The following AVEN variants were observed in gnomAD, a reference collection of about 807,000 sequenced individuals.
The protein encoded by AVEN is apoptosis and caspase activation inhibitor.
AVEN carries 41 observed loss-of-function variants against 38.1 expected under a neutral mutation model. The ratio of observed to expected loss-of-function variants is 1.08; its 90% CI spans 0.84 to 1.40. The LOEUF is 1.40. Among genes scored for constraint, AVEN ranks in the 40% most tolerant of loss-of-function variants. The pLI, the probability that AVEN is intolerant of heterozygous loss-of-function variation, is 0.00. For synonymous variants in AVEN, 206 were observed against 171.8 expected (o/e 1.20, Z -1.56); for missense variants, 605 against 438.8 (o/e 1.38, Z -3.38).
intron 2 of AVEN, among the ~76,000 whole-genome samples, chr15:33,985,872 A>C (rs1896423647): frequency 6.6e-6 from 1 of 152,132 alleles, no homozygotes; most frequent in Non-Finnish European, 1.5e-5. Context: ...CAGTGAAAAA[A>C]CTATCTCTAA....
chr15:33,910,003 C>T (rs1344005271), intron 2 of AVEN, among the ~76,000 whole-genome samples: 1 of 151,878 alleles, frequency 6.6e-6, no homozygotes, highest in African/African-American at 2.4e-5. Flanking sequence ...TGGTGGACAC[C>T]TGTAATCTTA....
chr15:33,884,748 G>C (rs1449725734), intron 2 of AVEN, among the ~76,000 whole-genome samples: 1 of 152,128 alleles, frequency 6.6e-6, no homozygotes, highest in Non-Finnish European at 1.5e-5. Context: ...AGATTACAAG[G>C]AACAATCTTT....
chr15:33,910,627 A>C (rs566230881), intron 2 of AVEN, among the ~76,000 whole-genome samples: 2 of 152,302 alleles, frequency 1.3e-5, no homozygotes, highest in East Asian at 3.9e-4. Flanking sequence ...GCACCTCATA[A>C]AATGCCCAAC....
intron 2 of AVEN, among the ~76,000 whole-genome samples, chr15:33,992,389 C>CAA (rs145900095): frequency 0.079 from 11,499 of 146,264 alleles, 504 homozygotes; most frequent in South Asian, 0.17. Context: ...GACTCCGTCT[C>CAA]AAAAAAAAAG....
intron 2 of AVEN, among the ~76,000 whole-genome samples, chr15:33,918,715 G>T (rs555302920): frequency 6.6e-6 from 1 of 151,728 alleles, no homozygotes; most frequent in East Asian, 1.9e-4. Context: ...TCAGCCTCCC[G>T]AAGTGCTGGG....
At chr15:34,001,285 G>A (rs1487421138) in intron 2 of AVEN, among the ~76,000 whole-genome samples, 1 of 151,942 alleles carries the variant, frequency 6.6e-6, no homozygotes, top group Non-Finnish European at 1.5e-5. Flanking sequence ...GCCTCCCAAA[G>A]TGCTGGGATT....
chr15:33,867,813 T>C lies in AVEN; in HGVS notation c.655A>G (p.Thr219Ala). The change falls in exon 5 of 6, where the codon ACT becomes GCT. Residue 219 changes from threonine (T) to alanine (A), a missense_variant. Transcript: ENST00000306730. The stretch of plus-strand genomic sequence containing the variant: ...ATCCCTAATCCCTTGCCATCATCAG[T>C]TCTCTTTGGTTTCACCTGAGGAACC... ...LEVPQVKPKRTDDGKGLGMQL... is the reference protein window; with the variant it reads ...LEVPQVKPKRADDGKGLGMQL... The C allele has an allele frequency of 6.2e-7, 1 of 1,606,852 alleles. No homozygotes were observed. The highest frequency in any genetic ancestry group is 1.1e-5 in the South Asian group (1 of 89,650).
chr15:33,896,871 C>A (rs1231591272), intron 2 of AVEN, among the ~76,000 whole-genome samples: 1 of 152,180 alleles, frequency 6.6e-6, no homozygotes, highest in Non-Finnish European at 1.5e-5. Context: ...TATTACCTGA[C>A]ATATAAAACC....
intron 1 of AVEN, 66 bp from the exon 2 acceptor site, chr15:34,003,275 T>C: frequency 1.4e-6 from 2 of 1,451,808 alleles, no homozygotes; most frequent in African/African-American, 1.4e-5. Flanking sequence ...GACTTCCCAG[T>C]AAAACAAAAA....
At chr15:34,070,736 C>T (rs1025677182) in intron 1 of AVEN, among the ~76,000 whole-genome samples, 6 of 152,150 alleles carry the variant, frequency 3.9e-5, no homozygotes, top group African/African-American at 1.4e-4. Flanking sequence ...AGTTGAACAA[C>T]TCTGGAGACA....
At chr15:34,006,551 T>A (rs933891324) in intron 1 of AVEN, among the ~76,000 whole-genome samples, 1 of 152,230 alleles carries the variant, frequency 6.6e-6, no homozygotes, top group African/African-American at 2.4e-5. Context: ...AAGAGGATTA[T>A]GATCTAAAAC....
chr15:33,861,450 C>T (rs1199874690), downstream of AVEN, among the ~76,000 whole-genome samples: 2 of 151,770 alleles, frequency 1.3e-5, no homozygotes, highest in African/African-American at 4.8e-5. Context: ...TCTTTCTCTA[C>T]TGGACTTCTT....
At chr15:33,947,847 T>C (rs1894565442) in intron 2 of AVEN, among the ~76,000 whole-genome samples, 1 of 152,184 alleles carries the variant, frequency 6.6e-6, no homozygotes, top group Non-Finnish European at 1.5e-5. Flanking sequence ...GAAAGTCATT[T>C]GAAACAAAAA....
At chr15:33,858,066 C>T (rs1000299395), downstream of AVEN, 9 of 1,002,662 alleles carry the variant, frequency 9.0e-6, no homozygotes, top group African/African-American at 1.6e-5. Flanking sequence ...AGACAGATGT[C>T]TTCTCCAAAC....
intron 2 of AVEN, among the ~76,000 whole-genome samples, chr15:33,889,969 C>T (rs1426290577): frequency 6.6e-6 from 1 of 152,178 alleles, no homozygotes; most frequent in Non-Finnish European, 1.5e-5. Flanking sequence ...GATACAAACC[C>T]TACATTCTAC....
intron 2 of AVEN, among the ~76,000 whole-genome samples, chr15:33,946,328 A>G (rs536094927): frequency 6.6e-6 from 1 of 152,300 alleles, no homozygotes; most frequent in African/African-American, 2.4e-5. Flanking sequence ...TAGGGCTGAA[A>G]AATCTCAGAA....
intron 5 of AVEN, among the ~76,000 whole-genome samples, chr15:34,061,182 G>T (rs1194952598): frequency 6.6e-6 from 1 of 152,094 alleles, no homozygotes; most frequent in Non-Finnish European, 1.5e-5. Context: ...CAAGCTTGGA[G>T]GTCAGAGGTG....
intron 2 of AVEN, among the ~76,000 whole-genome samples, chr15:33,887,513 G>C (rs1891752861): frequency 6.6e-6 from 1 of 152,126 alleles, no homozygotes; most frequent in South Asian, 2.1e-4. Flanking sequence ...GACTTCAGGA[G>C]TGATGATTCT....
chr15:33,920,775 CT>C (rs36067823), intron 2 of AVEN, among the ~76,000 whole-genome samples: 7 of 151,096 alleles, frequency 4.6e-5, no homozygotes, highest in Admixed American at 1.3e-4. Flanking sequence ...AATATACTTC[CT>C]TTTTTTTTAG....
Sources: allele counts gnomAD v4.1 joint callset (sites outside exome capture counted in the v4.1 genomes callset), GRCh38; gene constraint gnomAD v4.1.1; transcripts MANE v1.5; gene names NCBI Gene and HGNC (gene_info 2026-07-23, HGNC 2026-07-21).